Variants in MEI4 observed in about 807,000 individuals in gnomAD.
MEI4 encodes meiosis-specific protein MEI4.
Under a neutral mutation model 31.4 loss-of-function variants are expected in MEI4, and 27 were observed. The observed-to-expected ratio is 0.86, with a 90% CI of 0.63 to 1.19. The LOEUF is 1.19. Ranked by LOEUF, MEI4 falls within the 50% of genes most tolerant of loss-of-function variation. MEI4 has a pLI of 0.00. For missense variants in MEI4, 329 were observed against 398.9 expected (o/e 0.82, Z 1.49); for synonymous variants, 122 against 145.4 (o/e 0.84, Z 1.16).
Position 77,789,848 on chromosome 6 carries a change from G to C in MEI4, c.768+28183G>C, listed in dbSNP as rs896438477. On this transcript the variant is annotated intron_variant, in intron 3 of 4. Coordinates refer to ENST00000684080, the MANE Select transcript of MEI4 (RefSeq NM_001322247.2). ...CAACCATAGTGGAAGTCAGTGTGGC[G>C]ATTCCTCAGGGATCTAGAACTAGAA... Among the ~76,000 whole-genome samples the C allele has an allele frequency of 4.6e-5, 7 of 152,212 alleles. No homozygotes were observed. In the East Asian group the frequency reaches 1.4e-3, roughly 29 times the overall value.
intron 4 of MEI4, among the ~76,000 whole-genome samples, chr6:77,884,729 C>T (rs1562025542): frequency 6.6e-6 from 1 of 152,022 alleles, no homozygotes; most frequent in African/African-American, 2.4e-5. Context: ...GTTTTTATAC[C>T]AATACCATTC....
At chr6:77,869,510 C>T (rs1357018494) in intron 4 of MEI4, among the ~76,000 whole-genome samples, 7 of 152,072 alleles carry the variant, frequency 4.6e-5, no homozygotes, top group East Asian at 1.9e-4. Flanking sequence ...GGGAAAGCCA[C>T]GTGAAGGGGC....
intron 2 of MEI4, among the ~76,000 whole-genome samples, chr6:77,732,951 C>T (rs1400357955): frequency 6.6e-6 from 1 of 150,992 alleles, no homozygotes; most frequent in Non-Finnish European, 1.5e-5. Context: ...ATATATTGAA[C>T]CAGCCTTGCA....
intron 3 of MEI4, among the ~76,000 whole-genome samples, chr6:77,803,827 A>T (rs539453738): frequency 1.3e-5 from 2 of 152,122 alleles, no homozygotes; most frequent in South Asian, 4.2e-4. Flanking sequence ...GATCGTTCCT[A>T]TGGAAGTTTT....
intron 3 of MEI4, among the ~76,000 whole-genome samples, chr6:77,771,425 T>C (rs1460827896): frequency 6.6e-6 from 1 of 152,104 alleles, no homozygotes; most frequent in Non-Finnish European, 1.5e-5. Context: ...TACCTGGAAA[T>C]TTCATTATTG....
chr6:77,864,072 T>G (rs1389073772), intron 4 of MEI4, among the ~76,000 whole-genome samples: 1 of 152,174 alleles, frequency 6.6e-6, no homozygotes, highest in Non-Finnish European at 1.5e-5. Flanking sequence ...AAAGAGCTCC[T>G]GAAGGAAGCA....
chr6:77,685,086 G>A lies in MEI4; in HGVS notation c.-14-5572G>A, dbSNP rs9448144. ...ATATCTAATTGTAGTTTTGATTTGCGTTTCTCTGATAATCAGTGATGCTGT... is the reference window on the plus strand; with the variant it reads ...ATATCTAATTGTAGTTTTGATTTGCATTTCTCTGATAATCAGTGATGCTGT... On this transcript the variant is annotated intron_variant, in intron 1 of 4. Transcript: ENST00000684080. Among the ~76,000 whole-genome samples, 1,083 of 152,168 alleles carry A rather than the reference G, an allele frequency of 7.1e-3. 14 individuals are homozygous for A. Among genetic ancestry groups the A allele is most frequent in the African/African-American group, 0.025 (1,021 of 41,530 alleles).
chr6:77,728,735 AG>A (rs1470874961), intron 2 of MEI4, among the ~76,000 whole-genome samples: 1 of 152,208 alleles, frequency 6.6e-6, no homozygotes, highest in Non-Finnish European at 1.5e-5. Context: ...CAGAAAGTTC[AG>A]TGAGCAGAAA....
At chr6:77,870,839 T>G (rs189412328) in intron 4 of MEI4, among the ~76,000 whole-genome samples, 10 of 152,330 alleles carry the variant, frequency 6.6e-5, no homozygotes, top group Admixed American at 5.2e-4. Context: ...TATTGTTTTC[T>G]GATAATAAAT....
intron 3 of MEI4, among the ~76,000 whole-genome samples, chr6:77,810,285 TGCAAA>T (rs1769544658): frequency 3.3e-5 from 5 of 152,180 alleles, no homozygotes; most frequent in Admixed American, 3.3e-4. Flanking sequence ...TGAATGGATC[TGCAAA>T]TCTTCCTCCA....
chr6:77,829,007 C>T lies in MEI4; in HGVS notation c.845C>T (p.Ser282Phe), dbSNP rs539939524. 39 of 1,231,826 alleles carry T rather than the reference C, an allele frequency of 3.2e-5. No individual in the cohort carries two copies. Among genetic ancestry groups the T allele is most frequent in the Non-Finnish European group, 3.3e-5 (33 of 987,778 alleles). The allele number at this position is 1,231,826 out of a possible 1,614,324, so 76.3% of individuals were successfully genotyped here. A position where few individuals can be genotyped will look rare whatever the true frequency, so the allele number is the denominator to read the frequency against. ...AGCTTGTTGAGAAAATCTATTATAT[C>T]TCTGCTTCTATCAGAAGTAAATGGC... is the stretch of plus-strand genomic sequence containing the variant. Reference protein sequence around the residue: ...NCSLLRKSIISLLLSEVNGFA... With the variant: ...NCSLLRKSIIFLLLSEVNGFA... The change falls in exon 4 of 5, where the codon TCT (serine) becomes TTT (phenylalanine). Residue 282 changes from serine to phenylalanine, a missense_variant. Ser to Phe is a radical substitution (Grantham distance 155, BLOSUM62 -2). Transcript: ENST00000684080.
intron 2 of MEI4, among the ~76,000 whole-genome samples, chr6:77,699,707 G>T (rs1766164599): frequency 6.6e-6 from 1 of 152,122 alleles, no homozygotes; most frequent in African/African-American, 2.4e-5. Flanking sequence ...CATCTTTGTG[G>T]TTTTATCTAC....
rs940968417 is a variant in MEI4, at chr6:77,742,942, G to A, written c.233-18188G>A. 1.3e-4 allele frequency among the ~76,000 whole-genome samples: 20 copies of A among 152,022 alleles called. 1 individual carries two copies. The highest frequency in any genetic ancestry group is 3.9e-4 in the East Asian group (2 of 5,168). Reference sequence around the variant, plus strand: ...GATTAGATAGTTGTAGATATGCGGCGTTATTTCTTAGGGCTCTGTTCTGTT... The same window carrying A: ...GATTAGATAGTTGTAGATATGCGGCATTATTTCTTAGGGCTCTGTTCTGTT... On this transcript the variant is annotated intron_variant, in intron 2 of 4. Transcript: ENST00000684080.
At chr6:77,650,308 C>T (rs774363415), upstream of MEI4, among the ~76,000 whole-genome samples, 1 of 152,196 alleles carries the variant, frequency 6.6e-6, no homozygotes. Context: ...GTGGAGCACT[C>T]GTCTCCTCCT....
intron 1 of MEI4, among the ~76,000 whole-genome samples, chr6:77,686,496 T>C (rs908039003): frequency 6.6e-6 from 1 of 152,128 alleles, no homozygotes; most frequent in Admixed American, 6.6e-5. Context: ...TAATTTGCAG[T>C]TTTACTGCAT....
At chr6:77,727,977 C>G (rs1766869246) in intron 2 of MEI4, among the ~76,000 whole-genome samples, 1 of 152,168 alleles carries the variant, frequency 6.6e-6, no homozygotes. Context: ...TGCCCACATA[C>G]AGGCAGAGAC....
intron 4 of MEI4, among the ~76,000 whole-genome samples, chr6:77,837,149 C>T (rs1278073703): frequency 2.6e-5 from 4 of 151,970 alleles, no homozygotes; most frequent in South Asian, 2.1e-4. Context: ...CAGCTGGCAA[C>T]GAAGATAAAA....
At chr6:77,687,776 A>G (rs1769085520) in intron 1 of MEI4, among the ~76,000 whole-genome samples, 1 of 152,062 alleles carries the variant, frequency 6.6e-6, no homozygotes, top group Admixed American at 6.6e-5. Context: ...GATTGCACAG[A>G]GCTTCCACAT....
At chr6:77,852,360 G>A (rs1374606131) in intron 4 of MEI4, among the ~76,000 whole-genome samples, 1 of 152,116 alleles carries the variant, frequency 6.6e-6, no homozygotes, top group East Asian at 1.9e-4. Flanking sequence ...CATAATCAGT[G>A]CAAATGTTGA....
Sources: allele counts gnomAD v4.1 joint callset (sites outside exome capture counted in the v4.1 genomes callset), GRCh38; gene constraint gnomAD v4.1.1; transcripts MANE v1.5; gene names NCBI Gene and HGNC (gene_info 2026-07-23, HGNC 2026-07-21).